The following PCSK5 variants were observed in gnomAD, a reference collection of about 807,000 sequenced individuals.
PCSK5 encodes proprotein convertase subtilisin/kexin type 5.
Under a neutral mutation model 233.2 loss-of-function variants are expected in PCSK5, and 129 were observed. That is an observed-to-expected ratio of 0.55 (90% CI 0.48 to 0.64). The LOEUF is 0.64. PCSK5 is among the 30% of genes least tolerant of loss of function. The pLI is 0.00. For missense variants in PCSK5, 2,076 were observed against 2,430.1 expected (o/e 0.85, Z 3.06); for synonymous variants, 825 against 879.2 (o/e 0.94, Z 1.09).
Position 76,175,102 on chromosome 9 carries a change from G to A in PCSK5, c.1873G>A (p.Asp625Asn), listed in dbSNP as rs146158061. 33 of 1,614,194 alleles carry A rather than the reference G, an allele frequency of 2.0e-5. No homozygotes were observed. Among genetic ancestry groups the A allele is most frequent in the Non-Finnish European group, 2.7e-5 (32 of 1,180,012 alleles). ...CTATAGCCGAGTTGAAGACCCCACA[G>A]ACGACTATGGCACAGAGGATTATGC... The part of the protein sequence containing the change: ...FRYSRVEDPT[D>N]DYGTEDYAGP... The change falls in exon 14 of 38, where the codon GAC (aspartate) becomes AAC (asparagine). Residue 625 changes from aspartate (D) to asparagine (N), a missense_variant. Physicochemically the swap from Asp to Asn is conservative, Grantham distance 23. Around this residue, in one of 6 missense-constraint regions of PCSK5, gnomAD observed 84 missense variants for 108.8 expected, o/e 0.77. Transcript: ENST00000674117.
chr9:75,920,453 C>T (rs549114903), intron 1 of PCSK5, among the ~76,000 whole-genome samples: 32 of 152,190 alleles, frequency 2.1e-4, no homozygotes, highest in African/African-American at 7.7e-4. Flanking sequence ...ATTTAATGCT[C>T]ACATCTTCTC....
chr9:75,970,226 G>A (rs1825759764), intron 2 of PCSK5, among the ~76,000 whole-genome samples: 1 of 152,130 alleles, frequency 6.6e-6, no homozygotes, highest in Non-Finnish European at 1.5e-5. Flanking sequence ...GCCTCATCTT[G>A]TTAATTCAAT....
Position 76,280,688 on chromosome 9 carries a change from A to T in PCSK5, c.3143-11545A>T, listed in dbSNP as rs1054415839. Among the ~76,000 whole-genome samples the T allele has an allele frequency of 2.0e-5, 3 of 152,170 alleles. No homozygotes were observed. The East Asian group carries it at 5.8e-4, about 29-fold the overall frequency. On this transcript the variant is annotated intron_variant, in intron 24 of 37. Transcript: ENST00000674117. Reference sequence around the variant, plus strand: ...GAGTACCAGGCTGCAGTAAGCCATGATCACACCACTGCACTCCAGCCTGAG... The same window carrying T: ...GAGTACCAGGCTGCAGTAAGCCATGTTCACACCACTGCACTCCAGCCTGAG...
At chr9:76,142,449 T>A (rs1282410211) in intron 10 of PCSK5, among the ~76,000 whole-genome samples, 4 of 152,086 alleles carry the variant, frequency 2.6e-5, no homozygotes, top group African/African-American at 9.7e-5. Flanking sequence ...TCAGGCAAGA[T>A]GAATAGCATG....
chr9:76,142,300 G>A (rs1823261844), intron 10 of PCSK5, among the ~76,000 whole-genome samples: 1 of 151,570 alleles, frequency 6.6e-6, no homozygotes, highest in African/African-American at 2.4e-5. Flanking sequence ...GAGTACAACT[G>A]CTCCAAATAG....
intron 20 of PCSK5, among the ~76,000 whole-genome samples, chr9:76,196,368 A>G (rs1304767357): frequency 1.3e-5 from 2 of 152,242 alleles, no homozygotes; most frequent in African/African-American, 2.4e-5. Context: ...TAAAGTCGGC[A>G]TTGGCTGGAT....
At chr9:75,959,850 G>C (rs1278871199) in intron 2 of PCSK5, among the ~76,000 whole-genome samples, 1 of 152,226 alleles carries the variant, frequency 6.6e-6, no homozygotes, top group Non-Finnish European at 1.5e-5. Flanking sequence ...GAATGAGTAA[G>C]GTATGGTAAG....
chr9:76,191,344 T>G (rs1186704050), intron 20 of PCSK5, among the ~76,000 whole-genome samples: 9 of 152,212 alleles, frequency 5.9e-5, no homozygotes, highest in African/African-American at 1.9e-4. Flanking sequence ...GTCAGGAGAA[T>G]GTGGACTTGG....
chr9:76,089,298 C>T (rs377694752), intron 7 of PCSK5, among the ~76,000 whole-genome samples: 12 of 151,966 alleles, frequency 7.9e-5, no homozygotes, highest in African/African-American at 9.7e-5. Context: ...GGTATTGAGG[C>T]GGTGCTTGCG....
intron 20 of PCSK5, among the ~76,000 whole-genome samples, chr9:76,190,822 C>T (rs1210717137): frequency 1.3e-5 from 2 of 152,106 alleles, no homozygotes; most frequent in Admixed American, 6.5e-5. Flanking sequence ...GATTCTGAAC[C>T]AGGATGCAGC....
chr9:76,197,442 G>A (rs1227355657), intron 20 of PCSK5, among the ~76,000 whole-genome samples: 2 of 152,180 alleles, frequency 1.3e-5, no homozygotes, highest in East Asian at 1.9e-4. Context: ...GGAAGTGATT[G>A]CTATAGTAAC....
intron 5 of PCSK5, among the ~76,000 whole-genome samples, chr9:76,064,546 C>T (rs1364000468): frequency 2.7e-5 from 4 of 150,208 alleles, no homozygotes; most frequent in African/African-American, 7.4e-5. Flanking sequence ...GGGTGGCTGC[C>T]GGGCGGAGAC....
Position 76,358,672 on chromosome 9 carries a change from G to C in PCSK5, c.5414G>C (p.Gly1805Ala), listed in dbSNP as rs956708492. 1 of 1,612,820 alleles carries C rather than the reference G, an allele frequency of 6.2e-7. No individual in the cohort carries two copies. Among genetic ancestry groups the C allele is most frequent in the East Asian group, 2.2e-5 (1 of 44,876 alleles). Residue 1805 changes from glycine to alanine, a missense_variant, in exon 38 of 38, where the codon GGC (glycine) becomes GCC (alanine). Coordinates refer to ENST00000674117, the MANE Select transcript of PCSK5 (RefSeq NM_001372043.1). Reference sequence around the variant, plus strand: ...CGAGTCCAGCCAGCAGCAAAGGCCGGCTATGAAAAACTGGCCGACCCCAAC... The same window carrying C: ...CGAGTCCAGCCAGCAGCAAAGGCCGCCTATGAAAAACTGGCCGACCCCAAC... ...RGRVQPAAKA[G>A]YEKLADPNKS...
intron 24 of PCSK5, among the ~76,000 whole-genome samples, chr9:76,279,663 G>C (rs1827806254): frequency 6.6e-6 from 1 of 152,018 alleles, no homozygotes; most frequent in Admixed American, 6.6e-5. Flanking sequence ...CTGATGGCCA[G>C]TGATGATGAG....
intron 3 of PCSK5, among the ~76,000 whole-genome samples, chr9:75,998,211 AG>A (rs1827105933): frequency 6.6e-6 from 1 of 152,208 alleles, no homozygotes; most frequent in Non-Finnish European, 1.5e-5. Context: ...AGTCAAGCAT[AG>A]CAGGCCCACA....
chr9:76,008,241 T>C (rs1258300952), intron 3 of PCSK5, among the ~76,000 whole-genome samples: 1 of 152,170 alleles, frequency 6.6e-6, no homozygotes, highest in Non-Finnish European at 1.5e-5. Flanking sequence ...CTCCTGCTTA[T>C]GTGTAATTTG....
intron 24 of PCSK5, among the ~76,000 whole-genome samples, chr9:76,249,224 T>C (rs1213239032): frequency 6.6e-6 from 1 of 152,166 alleles, no homozygotes; most frequent in Non-Finnish European, 1.5e-5. Flanking sequence ...TGCTACTAAA[T>C]ATTCTATGAT....
At chr9:76,345,253 C>T (rs1479794536) in intron 35 of PCSK5, among the ~76,000 whole-genome samples, 1 of 151,520 alleles carries the variant, frequency 6.6e-6, no homozygotes, top group Non-Finnish European at 1.5e-5. Flanking sequence ...TACTCTGTCG[C>T]CCAGGCTAAA....
intron 9 of PCSK5, among the ~76,000 whole-genome samples, chr9:76,120,963 G>A (rs1341352086): frequency 5.9e-5 from 9 of 152,022 alleles, no homozygotes; most frequent in Non-Finnish European, 1.3e-4. Flanking sequence ...AGGATTAAGT[G>A]AACTTAGGTA....
Sources: gnomAD v4.1 joint callset for allele counts (sites outside exome capture counted in the v4.1 genomes callset) on GRCh38, gnomAD v4.1.1 for gene constraint, gnomAD v4.1.1 regional missense constraint, MANE v1.5 for transcripts, NCBI Gene and HGNC (gene_info 2026-07-23, HGNC 2026-07-21) for gene names.